Variants in SYTL1 observed in about 807,000 individuals in gnomAD.
The protein encoded by SYTL1 is synaptotagmin like 1, also known as synaptotagmin-like protein 1.
Under a neutral mutation model 74.6 loss-of-function variants are expected in SYTL1, and 53 were observed. The observed-to-expected ratio is 0.71, with a 90% confidence interval of 0.57 to 0.89. SYTL1 has a LOEUF of 0.89. Ranked by LOEUF, SYTL1 falls within the 40% of genes least tolerant of loss-of-function variation. SYTL1 has a pLI of 0.00. For missense variants in SYTL1, 728 were observed against 768.7 expected (o/e 0.95, Z 0.63); for synonymous variants, 329 against 324.9 (o/e 1.01, Z -0.14).
At position 27,345,613 on chromosome 1, in the gene SYTL1, T is replaced by A; in HGVS notation, c.191+88T>A. On this transcript the variant is annotated intron_variant, in intron 2 of 14. Coordinates refer to ENST00000616558, the MANE Select transcript of SYTL1 (RefSeq NM_001193308.2). The surrounding 1 kb of genome is among the most constrained non-coding windows in gnomAD (Gnocchi z 6.0). ...CCTACCGACACCACTGCCTGTCAGATGTCTGCGTGGTTCTTGGTTTTGCCC... is the reference window on the plus strand; with the variant it reads ...CCTACCGACACCACTGCCTGTCAGAAGTCTGCGTGGTTCTTGGTTTTGCCC... 1 of 928,032 alleles carries A rather than the reference T, an allele frequency of 1.1e-6. No individual in the cohort carries two copies. The highest frequency in any genetic ancestry group is 1.8e-5 in the South Asian group (1 of 56,764). 57.5% of individuals were successfully genotyped at this position (928,032 alleles called of 1,614,324 possible).
rs1349564790 is a variant in SYTL1, at chr1:27,351,333, G to A, written c.1240G>A (p.Glu414Lys). ...CCTCAAGTACGTCCCCGCCGGCTCC[G>A]AGGGTGAGTGACAGCCGGAGAGGCC... ...LSLKYVPAGS[E>K]GAGLPPSGEL... The change falls in exon 12 of 15, where the codon GAG becomes AAG. Residue 414 changes from glutamate (E) to lysine (K), a missense_variant. Glu to Lys is a moderately conservative substitution (Grantham distance 56, BLOSUM62 1). Coordinates refer to ENST00000616558, the MANE Select transcript of SYTL1 (RefSeq NM_001193308.2). This position sits in a 1 kb window ranked among gnomAD's most constrained non-coding sequence, Gnocchi z 5.0. The A allele has an allele frequency of 3.0e-5, 47 of 1,550,468 alleles. No homozygotes were observed. The Middle Eastern group carries it at 5.3e-4, about 18-fold the overall frequency.
At position 27,350,679 on chromosome 1, in the gene SYTL1, G is replaced by A. The variant is rs974604547; in HGVS notation, c.1006-115G>A. The A allele has an allele frequency of 3.0e-6, 4 of 1,334,656 alleles. No individual in the cohort carries two copies. Among genetic ancestry groups the A allele is most frequent in the Non-Finnish European group, 4.1e-6 (4 of 964,944 alleles). 82.7% of individuals were successfully genotyped at this position (1,334,656 alleles called of 1,614,324 possible). A position where few individuals can be genotyped will look rare whatever the true frequency, so the allele number is the denominator to read the frequency against. On this transcript the variant is annotated intron_variant, in intron 10 of 14. Coordinates refer to ENST00000616558, the MANE Select transcript of SYTL1 (RefSeq NM_001193308.2). The surrounding 1 kb of genome is among the most constrained non-coding windows in gnomAD (Gnocchi z 6.3). Reference sequence around the variant, plus strand: ...GCAGGTCCCCATTAATGCCCTTAGGGGCTCCCCAGAATTCCATCATGGTAG... The same window carrying A: ...GCAGGTCCCCATTAATGCCCTTAGGAGCTCCCCAGAATTCCATCATGGTAG...
Position 27,347,836 on chromosome 1 carries a change from G to A in SYTL1, c.369G>A (p.Glu123=), listed in dbSNP as rs1316135861. 6.2e-7 allele frequency: 1 copy of A among 1,614,014 alleles called. No individual in the cohort carries two copies. Among genetic ancestry groups the A allele is most frequent in the South Asian group, 1.1e-5 (1 of 91,066 alleles). ...ACCAGGCTCCAGGCCACGACAGGGA[G>A]GCTGAGGCTGCTGTGAAAGAGAAGG... is the stretch of plus-strand genomic sequence containing the variant. ...RGDQAPGHDR[E]AEAAVKEKEE... is the part of the protein sequence containing the mutation. The change falls in exon 4 of 15, where the codon GAG becomes GAA. Residue 123 remains glutamate (E), a synonymous_variant. Coordinates refer to ENST00000616558, the MANE Select transcript of SYTL1 (RefSeq NM_001193308.2). This position sits in a 1 kb window ranked among gnomAD's most constrained non-coding sequence, Gnocchi z 4.9.
In SYTL1 at chr1:27,349,408, A is replaced by T; in HGVS notation, c.543A>T (p.Gln181His). The change falls in exon 7 of 15, where the codon CAA becomes CAT. Residue 181 changes from glutamine (Q) to histidine (H), a missense_variant. Coordinates refer to ENST00000616558, the MANE Select transcript of SYTL1 (RefSeq NM_001193308.2). ...CGTGCCCCACCCCAGATCCTGGCCA[A>T]GGAGACCAACAGGTCTGTGCCGAGG... is the stretch of plus-strand genomic sequence containing the variant. Reference protein sequence around the residue: ...EASQAQEDPGQGDQQVCAEEA... With the variant: ...EASQAQEDPGHGDQQVCAEEA... 1.4e-6 allele frequency: 2 copies of T among 1,447,186 alleles called. No homozygotes were observed. The highest frequency in any genetic ancestry group is 1.8e-6 in the Non-Finnish European group (2 of 1,097,842). 89.6% of individuals were successfully genotyped at this position (1,447,186 alleles called of 1,614,324 possible).
rs1287789633 is a variant in SYTL1 at position 27,349,507 on chromosome 1, G to C, written c.633+9G>C. 1.4e-6 allele frequency: 2 copies of C among 1,456,726 alleles called. No homozygotes were observed. The highest frequency in any genetic ancestry group is 1.8e-6 in the Non-Finnish European group (2 of 1,103,854). The allele number at this position is 1,456,726 out of a possible 1,614,324, so 90.2% of individuals were successfully genotyped here. A position where few individuals can be genotyped will look rare whatever the true frequency, so the allele number is the denominator to read the frequency against. ...GGCCCCAGCAAGCCCAGGTAGGCGG[G>C]AGTGGCCCGTGGCTGCTCTCAACAT... On this transcript the variant is annotated intron_variant, in intron 7 of 14. Transcript: ENST00000616558.
chr1:27,350,086 A>T lies in SYTL1; in HGVS notation c.862A>T (p.Ile288Phe). ...CGCCGCCGAGCTGCGCGTGCACGTGATCCAGTGCCAGGGCCTGGCCGCCGC... is the reference window on the plus strand; with the variant it reads ...CGCCGCCGAGCTGCGCGTGCACGTGTTCCAGTGCCAGGGCCTGGCCGCCGC... ...PGAAELRVHV[I>F]QCQGLAAARR... The change falls in exon 9 of 15, where the codon ATC (isoleucine) becomes TTC (phenylalanine). Residue 288 changes from isoleucine (I) to phenylalanine (F), a missense_variant. By Grantham distance (21) the Ile-to-Phe change is conservative. Transcript: ENST00000616558. The surrounding 1 kb of genome is among the most constrained non-coding windows in gnomAD (Gnocchi z 6.3). The T allele has an allele frequency of 6.8e-7, 1 of 1,475,868 alleles. No individual in the cohort carries two copies. The allele number at this position is 1,475,868 out of a possible 1,614,324, so 91.4% of individuals were successfully genotyped here. A position where few individuals can be genotyped will look rare whatever the true frequency, so the allele number is the denominator to read the frequency against.
chr1:27,344,710 C>T (rs907488897), intron 1 of SYTL1, among the ~76,000 whole-genome samples: 4 of 151,106 alleles, frequency 2.6e-5, no homozygotes, highest in South Asian at 2.1e-4. Flanking sequence ...ATTAGCTGGG[C>T]GTGATGGTGC....
Position 27,350,111 on chromosome 1 carries a change from C to G in SYTL1, c.887C>G (p.Ala296Gly). The change falls in exon 9 of 15, where the codon GCC becomes GGC. Residue 296 changes from alanine to glycine, a missense_variant. Transcript: ENST00000616558. This position sits in a 1 kb window ranked among gnomAD's most constrained non-coding sequence, Gnocchi z 6.3. ...ATCCAGTGCCAGGGCCTGGCCGCCG[C>G]CCGGCGCCGCCGCTCGGACCCGTGA... is the stretch of plus-strand genomic sequence containing the variant. ...HVIQCQGLAA[A>G]RRRRSDPYVK... 1 of 1,395,316 alleles carries G rather than the reference C, an allele frequency of 7.2e-7. No homozygotes were observed. The highest frequency in any genetic ancestry group is 1.6e-5 in the South Asian group (1 of 61,872). The allele number at this position is 1,395,316 out of a possible 1,614,324, so 86.4% of individuals were successfully genotyped here. A position where few individuals can be genotyped will look rare whatever the true frequency, so the allele number is the denominator to read the frequency against.
rs2015222286 is a variant in SYTL1, at chr1:27,350,551, G to T, written c.1005+66G>T. Reference sequence around the variant, plus strand: ...GGACGCCCCCTTCCTGCGGGGCTAGGTGGCAAGGGCAGCCAGTAACGTCAT... The same window carrying T: ...GGACGCCCCCTTCCTGCGGGGCTAGTTGGCAAGGGCAGCCAGTAACGTCAT... On this transcript the variant is annotated intron_variant, in intron 10 of 14. Transcript: ENST00000616558. This position sits in a 1 kb window ranked among gnomAD's most constrained non-coding sequence, Gnocchi z 6.3. 7.2e-7 allele frequency: 1 copy of T among 1,380,834 alleles called. No homozygotes were observed. Among genetic ancestry groups the T allele is most frequent in the South Asian group, 1.2e-5 (1 of 82,048 alleles). The allele number at this position is 1,380,834 out of a possible 1,614,324, so 85.5% of individuals were successfully genotyped here.
Position 27,345,375 on chromosome 1 carries a change from C to T in SYTL1, c.41C>T (p.Ala14Val). 6.4e-7 allele frequency: 1 copy of T among 1,550,852 alleles called. No homozygotes were observed. The highest frequency in any genetic ancestry group is 8.7e-7 in the Non-Finnish European group (1 of 1,146,874). Residue 14 changes from alanine to valine, a missense_variant, in exon 2 of 15, where the codon GCT becomes GTT. By Grantham distance (64) the Ala-to-Val change is moderately conservative. Transcript: ENST00000616558. This position sits in a 1 kb window ranked among gnomAD's most constrained non-coding sequence, Gnocchi z 6.0. Reference protein sequence around the residue: ...RGHPSQEGLWALPSLPMAHGP... With the variant: ...RGHPSQEGLWVLPSLPMAHGP... ...CACCCATCGCAAGAGGGGCTTTGGGCTCTGCCCTCCCTCCCCATGGCGCAT... is the reference window on the plus strand; with the variant it reads ...CACCCATCGCAAGAGGGGCTTTGGGTTCTGCCCTCCCTCCCCATGGCGCAT...
Position 27,350,599 on chromosome 1 carries a change from GGCCCATTAACTCGTTATCCAGTGTTGTCA to G in SYTL1, c.1005+118_1005+146del. 3 of 1,101,038 alleles carry G rather than the reference GGCCCATTAACTCGTTATCCAGTGTTGTCA, an allele frequency of 2.7e-6. No individual in the cohort carries two copies. The highest frequency in any genetic ancestry group is 4.0e-6 in the Non-Finnish European group (3 of 759,256). 68.2% of individuals were successfully genotyped at this position (1,101,038 alleles called of 1,614,324 possible). On this transcript the variant is annotated intron_variant, in intron 10 of 14. Coordinates refer to ENST00000616558, the MANE Select transcript of SYTL1 (RefSeq NM_001193308.2). This position sits in a 1 kb window ranked among gnomAD's most constrained non-coding sequence, Gnocchi z 6.3. ...CATTGCCCGGAGGATCGGCGGAGGGGGCCCATTAACTCGTTATCCAGTGTTGTCAGCCTCGTGGTGGGCGTGGTGATAGT... is the reference window on the plus strand; with the variant it reads ...CATTGCCCGGAGGATCGGCGGAGGGGGCCTCGTGGTGGGCGTGGTGATAGT...
Position 27,347,826 on chromosome 1 carries a change from A to C in SYTL1, c.359A>C (p.His120Pro). Reference protein sequence around the residue: ...KSTRGDQAPGHDREAEAAVKE... With the variant: ...KSTRGDQAPGPDREAEAAVKE... ...CGCCCAGGAGACCAGGCTCCAGGCC[A>C]CGACAGGGAGGCTGAGGCTGCTGTG... The change falls in exon 4 of 15, where the codon CAC becomes CCC. Residue 120 changes from histidine to proline, a missense_variant. Transcript: ENST00000616558. This position sits in a 1 kb window ranked among gnomAD's most constrained non-coding sequence, Gnocchi z 4.9. 6.2e-7 allele frequency: 1 copy of C among 1,613,704 alleles called. No homozygotes were observed.
rs2015187968 is a variant in SYTL1 at position 27,350,036 on chromosome 1, A to C, written c.812A>C (p.His271Pro). Residue 271 changes from histidine (H) to proline (P), a missense_variant, in exon 9 of 15, where the codon CAC (histidine) becomes CCC (proline). Coordinates refer to ENST00000616558, the MANE Select transcript of SYTL1 (RefSeq NM_001193308.2). This position sits in a 1 kb window ranked among gnomAD's most constrained non-coding sequence, Gnocchi z 6.3. ...AEAVQVRGSV[H>P]FALHYEPGAA... is the part of the protein sequence containing the mutation. ...GCGGTGCAGGTCCGCGGCTCCGTGC[A>C]CTTCGCGCTGCACTACGAGCCGGGC... 3.9e-6 allele frequency: 6 copies of C among 1,540,338 alleles called. No individual in the cohort carries two copies. Among genetic ancestry groups the C allele is most frequent in the Admixed American group, 1.9e-5 (1 of 52,754 alleles).
At position 27,349,636 on chromosome 1, in the gene SYTL1, C is replaced by T. The variant is rs1316344384; in HGVS notation, c.634-16C>T. The T allele has an allele frequency of 1.3e-6, 2 of 1,595,806 alleles. No individual in the cohort carries two copies. Among genetic ancestry groups the T allele is most frequent in the Middle Eastern group, 1.7e-4 (1 of 6,014 alleles). ...TGGGGAAAGAAGGGGCGCCCCGTCACTTGCCCCCTCTGCAGACCAAGGCCG... is the reference window on the plus strand; with the variant it reads ...TGGGGAAAGAAGGGGCGCCCCGTCATTTGCCCCCTCTGCAGACCAAGGCCG... On this transcript the variant is annotated splice_polypyrimidine_tract_variant and intron_variant, in intron 7 of 14. Coordinates refer to ENST00000616558, the MANE Select transcript of SYTL1 (RefSeq NM_001193308.2).
At chr1:27,349,005 T>TCTGACCC in intron 5 of SYTL1, 75 bp from the exon 6 acceptor site, 2 of 1,225,872 alleles carry the variant, frequency 1.6e-6, no homozygotes, top group Non-Finnish European at 1.2e-6. Context: ...CCCTATGACC[T>TCTGACCC]CTGACCCCAA....
intron 13 of SYTL1, 105 bp from the exon 14 acceptor site, chr1:27,353,178 C>T: frequency 8.4e-7 from 1 of 1,192,164 alleles, no homozygotes; most frequent in Non-Finnish European, 1.2e-6. Flanking sequence ...AGGCAGGAGC[C>T]AGGGGACATG....
At position 27,350,338 on chromosome 1, in the gene SYTL1, G is replaced by A. The variant is rs1557544385; in HGVS notation, c.909-51G>A. 6.4e-7 allele frequency: 1 copy of A among 1,554,554 alleles called. No individual in the cohort carries two copies. Among genetic ancestry groups the A allele is most frequent in the Admixed American group, 1.7e-5 (1 of 59,966 alleles). On this transcript the variant is annotated intron_variant, in intron 9 of 14. Transcript: ENST00000616558. The surrounding 1 kb of genome is among the most constrained non-coding windows in gnomAD (Gnocchi z 6.3). ...GTGGCTGGGGGAGCCCACAGGCAGGGGAGAAGGCTCTGGGAGGGCCCCTCC... is the reference window on the plus strand; with the variant it reads ...GTGGCTGGGGGAGCCCACAGGCAGGAGAGAAGGCTCTGGGAGGGCCCCTCC...
rs952816289 is a variant in SYTL1, at chr1:27,348,351, C to A, written c.459+339C>A. Among the ~76,000 whole-genome samples the A allele has an allele frequency of 1.3e-5, 2 of 151,834 alleles. No individual in the cohort carries two copies. On this transcript the variant is annotated intron_variant, in intron 5 of 14. Coordinates refer to ENST00000616558, the MANE Select transcript of SYTL1 (RefSeq NM_001193308.2). The surrounding 1 kb of genome is among the most constrained non-coding windows in gnomAD (Gnocchi z 4.1). ...TTTTGGGAGGCTGATGTGGGAGGAT[C>A]GCTTGAGCCGAGGAGTTCAAGACCA...
In SYTL1 at chr1:27,348,163, C is replaced by T. The variant is rs746819942; in HGVS notation, c.459+151C>T. 5.3e-5 allele frequency: 40 copies of T among 757,238 alleles called. No homozygotes were observed. Among genetic ancestry groups the T allele is most frequent in the Non-Finnish European group, 8.8e-5 (39 of 442,024 alleles). 46.9% of individuals were successfully genotyped at this position (757,238 alleles called of 1,614,324 possible). On this transcript the variant is annotated intron_variant, in intron 5 of 14. Coordinates refer to ENST00000616558, the MANE Select transcript of SYTL1 (RefSeq NM_001193308.2). The surrounding 1 kb of genome is among the most constrained non-coding windows in gnomAD (Gnocchi z 4.1). ...GCACCTCATCACCTCCTGGGTGGAACAGTGGTGAACGGTGGGGAACGGTGG... is the reference window on the plus strand; with the variant it reads ...GCACCTCATCACCTCCTGGGTGGAATAGTGGTGAACGGTGGGGAACGGTGG...
Sources: allele counts gnomAD v4.1 joint callset (sites outside exome capture counted in the v4.1 genomes callset), GRCh38; gene constraint gnomAD v4.1.1; non-coding constraint Gnocchi (gnomAD v3.1); transcripts MANE v1.5; gene names NCBI Gene and HGNC (gene_info 2026-07-23, HGNC 2026-07-21).